MEGF8: variants seen among roughly 807,000 people sequenced by gnomAD.
MEGF8 encodes the protein multiple EGF like domains 8.
A neutral mutation model predicts 302.9 loss-of-function variants in MEGF8; 156 were observed. The observed-to-expected ratio is 0.52, with a 90% CI of 0.45 to 0.59. The LOEUF (loss-of-function observed/expected upper bound fraction) is 0.59. Ranked by LOEUF, MEGF8 falls within the 20% of genes least tolerant of loss-of-function variation. The pLI is 0.00. For synonymous variants in MEGF8, 1,621 were observed against 1,660.5 expected (o/e 0.98, Z 0.58); for missense variants, 3,345 against 3,964.5 (o/e 0.84, Z 4.20).
chr19:42,360,851 C>G lies in MEGF8; in HGVS notation c.5565C>G (p.Ile1855Met), dbSNP rs1384146906. Residue 1855 changes from isoleucine (I) to methionine (M), a missense_variant, in exon 32 of 42, where the codon ATC becomes ATG. Ile to Met is a conservative substitution (Grantham distance 10). Transcript: ENST00000251268. The part of the protein sequence containing the change: ...AVAAVGSRLY[I>M]SGGFGGVALG... ...CAGCAGTCGGGAGCCGCCTGTATATCTCTGGGGGTTTCGGGGGAGTGGCCC... is the reference window on the plus strand; with the variant it reads ...CAGCAGTCGGGAGCCGCCTGTATATGTCTGGGGGTTTCGGGGGAGTGGCCC... 1 of 1,613,138 alleles carries G rather than the reference C, an allele frequency of 6.2e-7. No homozygotes were observed. Among genetic ancestry groups the G allele is most frequent in the Non-Finnish European group, 8.5e-7 (1 of 1,179,796 alleles).
At chr19:42,330,214 C>T (rs1052478771) in intron 1 of MEGF8, among the ~76,000 whole-genome samples, 5 of 152,178 alleles carry the variant, frequency 3.3e-5, no homozygotes, top group Non-Finnish European at 4.4e-5. Context: ...TGAGCCACCA[C>T]GCCCAGCCCA....
chr19:42,376,459 G>C lies in MEGF8; in HGVS notation c.8222G>C (p.Gly2741Ala). The change falls in exon 42 of 42, where the codon GGT becomes GCT. Residue 2741 changes from glycine to alanine, a missense_variant. Transcript: ENST00000251268. This position sits in a 1 kb window ranked among gnomAD's most constrained non-coding sequence, Gnocchi z 8.2. ...GCACCCCTGCTGCTGACAGGGGCCGGTGGGCCCTGGGGACCCATGGGAGGG... is the reference window on the plus strand; with the variant it reads ...GCACCCCTGCTGCTGACAGGGGCCGCTGGGCCCTGGGGACCCATGGGAGGG... ...FLAPLLLTGA[G>A]GPWGPMGGGC... is the part of the protein sequence containing the mutation. 6.2e-7 allele frequency: 1 copy of C among 1,609,646 alleles called. No homozygotes were observed. Among genetic ancestry groups the C allele is most frequent in the Non-Finnish European group, 8.5e-7 (1 of 1,178,886 alleles).
chr19:42,356,122 C>T lies in MEGF8; in HGVS notation c.4432C>T (p.Pro1478Ser). The T allele has an allele frequency of 6.3e-7, 1 of 1,583,358 alleles. No homozygotes were observed. Among genetic ancestry groups the T allele is most frequent in the Non-Finnish European group, 8.6e-7 (1 of 1,163,552 alleles). Residue 1478 changes from proline (P) to serine (S), a missense_variant, in exon 25 of 42, where the codon CCC (proline) becomes TCC (serine). Coordinates refer to ENST00000251268, the MANE Select transcript of MEGF8 (RefSeq NM_001271938.2). This position sits in a 1 kb window ranked among gnomAD's most constrained non-coding sequence, Gnocchi z 5.2. ...VCICAEGFGG[P>S]DCATKLDGGQ... ...CATCTGTGCCGAGGGCTTCGGGGGC[C>T]CCGACTGCGCCACCAAGCTGGATGG...
At position 42,348,260 on chromosome 19, in the gene MEGF8, C is replaced by T. The variant is rs1392551372; in HGVS notation, c.2098-12C>T. 3.3e-6 allele frequency: 5 copies of T among 1,534,578 alleles called. No homozygotes were observed. Among genetic ancestry groups the T allele is most frequent in the Admixed American group, 3.9e-5 (2 of 50,904 alleles). On this transcript the variant is annotated splice_polypyrimidine_tract_variant and intron_variant, in intron 12 of 41. Coordinates refer to ENST00000251268, the MANE Select transcript of MEGF8 (RefSeq NM_001271938.2). ...AAGGGACTCACACATACACCCATCC[C>T]TGGTGGCACAGGTCTCAATTGTCCG...
In MEGF8 at chr19:42,353,154, C is replaced by G; in HGVS notation, c.3550+27C>G. Reference sequence around the variant, plus strand: ...TAAGCAGCCCTTGTCCTGGGCCCAGCCTGGACCCAGGGAGCCTCCTCCCTT... The same window carrying G: ...TAAGCAGCCCTTGTCCTGGGCCCAGGCTGGACCCAGGGAGCCTCCTCCCTT... On this transcript the variant is annotated intron_variant, in intron 20 of 41. Transcript: ENST00000251268. This position sits in a 1 kb window ranked among gnomAD's most constrained non-coding sequence, Gnocchi z 6.1. 6.6e-7 allele frequency: 1 copy of G among 1,509,142 alleles called. No individual in the cohort carries two copies. The highest frequency in any genetic ancestry group is 8.9e-7 in the Non-Finnish European group (1 of 1,129,168). The allele number at this position is 1,509,142 out of a possible 1,614,324, so 93.5% of individuals were successfully genotyped here. A position where few individuals can be genotyped will look rare whatever the true frequency, so the allele number is the denominator to read the frequency against.
Position 42,376,853 on chromosome 19 carries a change from G to T in MEGF8, c.*78G>T, listed in dbSNP as rs2039777973. 3 of 1,390,002 alleles carry T rather than the reference G, an allele frequency of 2.2e-6. No individual in the cohort carries two copies. Among genetic ancestry groups the T allele is most frequent in the Non-Finnish European group, 2.8e-6 (3 of 1,070,536 alleles). The allele number at this position is 1,390,002 out of a possible 1,614,324, so 86.1% of individuals were successfully genotyped here. A position where few individuals can be genotyped will look rare whatever the true frequency, so the allele number is the denominator to read the frequency against. On this transcript the variant is annotated 3_prime_UTR_variant, in exon 42 of 42. Transcript: ENST00000251268. This position sits in a 1 kb window ranked among gnomAD's most constrained non-coding sequence, Gnocchi z 8.2. ...GGACTTGGGGTCCCTCCACCTGGGG[G>T]CCCCTGGACACTGTCTACTTGGAGA...
Position 42,354,560 on chromosome 19 carries a change from C to T in MEGF8, c.4012-28C>T. The T allele has an allele frequency of 6.3e-7, 1 of 1,597,722 alleles. No individual in the cohort carries two copies. Among genetic ancestry groups the T allele is most frequent in the Non-Finnish European group, 8.6e-7 (1 of 1,168,868 alleles). ...GGTGTCGTTCTCATCCTCATTGTCT[C>T]CTAATCCTCGATTCTGCACCCCTCT... is the stretch of plus-strand genomic sequence containing the variant. On this transcript the variant is annotated intron_variant, in intron 22 of 41. Transcript: ENST00000251268. This position sits in a 1 kb window ranked among gnomAD's most constrained non-coding sequence, Gnocchi z 4.3.
Position 42,353,825 on chromosome 19 carries a change from A to G in MEGF8, c.3812A>G (p.Asn1271Ser), listed in dbSNP as rs781474959. 2.5e-6 allele frequency: 4 copies of G among 1,611,364 alleles called. No homozygotes were observed. Among genetic ancestry groups the G allele is most frequent in the East Asian group, 4.5e-5 (2 of 44,790 alleles). Residue 1271 changes from asparagine to serine, a missense_variant, in exon 22 of 42, where the codon AAC becomes AGC. By Grantham distance (46) the Asn-to-Ser change is conservative (BLOSUM62 1). Coordinates refer to ENST00000251268, the MANE Select transcript of MEGF8 (RefSeq NM_001271938.2). This position sits in a 1 kb window ranked among gnomAD's most constrained non-coding sequence, Gnocchi z 6.1. The part of the protein sequence containing the change: ...RECGGRALLT[N>S]VSSVALGSRR... ...TGTGGGGGTCGCGCCCTCCTCACCAACGTGTCCTCAGTGGCACTGGGCTCA... is the reference window on the plus strand; with the variant it reads ...TGTGGGGGTCGCGCCCTCCTCACCAGCGTGTCCTCAGTGGCACTGGGCTCA...
chr19:42,351,701 A>C lies in MEGF8; in HGVS notation c.3041A>C (p.Glu1014Ala), dbSNP rs765914934. 1.9e-6 allele frequency: 3 copies of C among 1,596,188 alleles called. No homozygotes were observed. The highest frequency in any genetic ancestry group is 2.6e-6 in the Non-Finnish European group (3 of 1,171,912). Residue 1014 changes from glutamate to alanine, a missense_variant, in exon 18 of 42, where the codon GAG (glutamate) becomes GCG (alanine). Coordinates refer to ENST00000251268, the MANE Select transcript of MEGF8 (RefSeq NM_001271938.2). The surrounding 1 kb of genome is among the most constrained non-coding windows in gnomAD (Gnocchi z 5.6). The stretch of plus-strand genomic sequence containing the variant: ...TGCGATGGCTTCCTGACCTGCCATG[A>C]GTGTCTGCAGAGCCACGAGTGTGGC... ...RSCDGFLTCH[E>A]CLQSHECGWC... is the part of the protein sequence containing the mutation.
chr19:42,370,826 C>A lies in MEGF8; in HGVS notation c.7131C>A (p.Cys2377Ter). Residue 2377 changes from cysteine to a stop codon, truncating the protein, a stop_gained, in exon 40 of 42, where the codon TGC (cysteine) becomes TGA (stop). Transcript: ENST00000251268. LOFTEE classifies it high-confidence loss of function. ...GCTACTTCCTCCTGGACGGGAAGTG[C>A]ACCAAGTAAGAGGAACCGGGGGGGG... ...LQGYFLLDGK[C>*]TKCQCNGHAD... The A allele has an allele frequency of 1.4e-6, 1 of 705,126 alleles. No homozygotes were observed. Among genetic ancestry groups the A allele is most frequent in the Non-Finnish European group, 2.4e-6 (1 of 423,816 alleles). 43.7% of individuals were successfully genotyped at this position (705,126 alleles called of 1,614,324 possible). A position where few individuals can be genotyped will look rare whatever the true frequency, so the allele number is the denominator to read the frequency against.
rs184933900 is a variant in MEGF8 at position 42,346,712 on chromosome 19, C to T, written c.2098-1560C>T. On this transcript the variant is annotated intron_variant, in intron 12 of 41. Transcript: ENST00000251268. ...AAATAAATAAATAAAAGGCTGGGCA[C>T]GGTGGCTCACGCCGGTAATCCCAGC... Among the ~76,000 whole-genome samples the T allele has an allele frequency of 2.2e-4, 33 of 151,776 alleles. No individual in the cohort carries two copies. In the East Asian group the frequency reaches 5.6e-3, roughly 26 times the overall value.
chr19:42,376,850 G>A lies in MEGF8; in HGVS notation c.*75G>A. On this transcript the variant is annotated 3_prime_UTR_variant, in exon 42 of 42. Transcript: ENST00000251268. This position sits in a 1 kb window ranked among gnomAD's most constrained non-coding sequence, Gnocchi z 8.2. ...CCTGGACTTGGGGTCCCTCCACCTG[G>A]GGGCCCCTGGACACTGTCTACTTGG... 2.9e-6 allele frequency: 4 copies of A among 1,402,056 alleles called. No homozygotes were observed. In the South Asian group the frequency reaches 6.3e-5, roughly 22 times the overall value. The allele number at this position is 1,402,056 out of a possible 1,614,324, so 86.9% of individuals were successfully genotyped here. A position where few individuals can be genotyped will look rare whatever the true frequency, so the allele number is the denominator to read the frequency against.
At chr19:42,363,666 C>T (rs1345361860) in intron 35 of MEGF8, among the ~76,000 whole-genome samples, 1 of 152,192 alleles carries the variant, frequency 6.6e-6, no homozygotes, top group Admixed American at 6.5e-5. Flanking sequence ...CAAACCTTTT[C>T]TGCTTCCCTC....
intron 8 of MEGF8, among the ~76,000 whole-genome samples, chr19:42,340,125 A>G (rs2039191474): frequency 6.6e-6 from 1 of 152,228 alleles, no homozygotes; most frequent in African/African-American, 2.4e-5. Flanking sequence ...TGAAATGAAA[A>G]TTATAACACG....
In MEGF8 at chr19:42,355,978, C is replaced by T. The variant is rs960444477; in HGVS notation, c.4365C>T (p.Ala1455=). 6.2e-7 allele frequency: 1 copy of T among 1,612,318 alleles called. No homozygotes were observed. The highest frequency in any genetic ancestry group is 1.7e-5 in the Admixed American group (1 of 59,938). Residue 1455 remains alanine, a synonymous_variant, in exon 24 of 42, where the codon GCC becomes GCT. Coordinates refer to ENST00000251268, the MANE Select transcript of MEGF8 (RefSeq NM_001271938.2). Reference sequence around the variant, plus strand: ...CTCTGTGTCCTGAGAACTGCAATGCCCACACTGGGGCAGGAACTTGTAACC... The same window carrying T: ...CTCTGTGTCCTGAGAACTGCAATGCTCACACTGGGGCAGGAACTTGTAACC... The part of the protein sequence containing the change: ...RMALCPENCN[A]HTGAGTCNQS...
chr19:42,335,175 C>T lies in MEGF8; in HGVS notation c.699C>T (p.Gly233=), dbSNP rs751496800. ...TCTCTGCCCGTATTGGGGCAGCTGG[C>T]GCCTTCCTGTCCCCACCAGGGCTGC... The part of the protein sequence containing the change: ...PAFSARIGAA[G]AFLSPPGLLA... The change falls in exon 4 of 42, where the codon GGC becomes GGT. Residue 233 remains glycine (G), a synonymous_variant. Transcript: ENST00000251268. The T allele has an allele frequency of 3.4e-5, 55 of 1,613,816 alleles. No homozygotes were observed. Among genetic ancestry groups the T allele is most frequent in the South Asian group, 9.9e-5 (9 of 91,076 alleles).
rs770879154 is a variant in MEGF8, at chr19:42,357,542, G to A, written c.4969G>A (p.Gly1657Ser). 1.8e-5 allele frequency: 29 copies of A among 1,612,962 alleles called. No homozygotes were observed. Among genetic ancestry groups the A allele is most frequent in the Non-Finnish European group, 2.5e-5 (29 of 1,179,582 alleles). The change falls in exon 28 of 42, where the codon GGC becomes AGC. Residue 1657 changes from glycine (G) to serine (S), a missense_variant. By Grantham distance (56) the Gly-to-Ser change is moderately conservative. Coordinates refer to ENST00000251268, the MANE Select transcript of MEGF8 (RefSeq NM_001271938.2). The surrounding 1 kb of genome is among the most constrained non-coding windows in gnomAD (Gnocchi z 5.2). ...GCTGCTGGAGTACCAGCTGGCAACC[G>A]GCACCTGGGTGTCAGGAGCCCAGAG... Reference protein sequence around the residue: ...QQLLEYQLATGTWVSGAQSGT... With the variant: ...QQLLEYQLATSTWVSGAQSGT...
At chr19:42,373,423 C>G (rs903323024) in intron 41 of MEGF8, among the ~76,000 whole-genome samples, 2 of 149,984 alleles carry the variant, frequency 1.3e-5, no homozygotes, top group Admixed American at 1.3e-4. Flanking sequence ...ATTTTTAAGA[C>G]AGGGTCTGGC....
Position 42,375,097 on chromosome 19 carries a change from C to T in MEGF8, c.7270-410C>T, listed in dbSNP as rs1022822205. On this transcript the variant is annotated intron_variant, in intron 41 of 41. Transcript: ENST00000251268. This position sits in a 1 kb window ranked among gnomAD's most constrained non-coding sequence, Gnocchi z 7.1. Reference sequence around the variant, plus strand: ...CACATGATCTCAGTGGTCCTGTGAGCGAGCCGTGGTTACTCCCTGTGTGCA... The same window carrying T: ...CACATGATCTCAGTGGTCCTGTGAGTGAGCCGTGGTTACTCCCTGTGTGCA... 3.3e-5 allele frequency among the ~76,000 whole-genome samples: 5 copies of T among 152,204 alleles called. No individual in the cohort carries two copies. The highest frequency in any genetic ancestry group is 4.4e-5 in the Non-Finnish European group (3 of 68,032).
Sources: gnomAD v4.1 joint callset for allele counts (sites outside exome capture counted in the v4.1 genomes callset) on GRCh38, gnomAD v4.1.1 for gene constraint, Gnocchi (gnomAD v3.1) non-coding constraint, MANE v1.5 for transcripts, NCBI Gene and HGNC (gene_info 2026-07-23, HGNC 2026-07-21) for gene names.